ANKS1B: variants seen among roughly 807,000 people sequenced by gnomAD.
The protein encoded by ANKS1B is ankyrin repeat and sterile alpha motif domain-containing protein 1B.
In ANKS1B, 36 loss-of-function variants were observed where a neutral mutation model predicts 148.3. The ratio of observed to expected loss-of-function variants is 0.24; its 90% CI spans 0.19 to 0.32. The LOEUF is 0.32. Ranked by LOEUF, ANKS1B falls within the 10% of genes least tolerant of loss-of-function variation. ANKS1B has a pLI of 1.00. For missense variants in ANKS1B, 1,157 were observed against 1,542.6 expected (o/e 0.75, Z 4.19); for synonymous variants, 542 against 560.8 (o/e 0.97, Z 0.47).
chr12:99,562,441 A>G (rs2097346319), intron 9 of ANKS1B, among the ~76,000 whole-genome samples: 1 of 152,180 alleles, frequency 6.6e-6, no homozygotes, highest in Non-Finnish European at 1.5e-5. Flanking sequence ...TTTTTCCAAT[A>G]CAAGACTGTT....
intron 9 of ANKS1B, among the ~76,000 whole-genome samples, chr12:98,736,249 C>T (rs1180434243): frequency 2.6e-5 from 4 of 152,098 alleles, no homozygotes; most frequent in African/African-American, 4.8e-5. Context: ...TGTAATCATC[C>T]GGACAAAATG....
intron 17 of ANKS1B, among the ~76,000 whole-genome samples, chr12:98,957,321 ATT>A (rs1568009828): frequency 1.0e-4 from 5 of 47,814 alleles, no homozygotes; most frequent in African/African-American, 6.1e-4. Context: ...ATATTTATTT[ATT>A]TATTTATTTA....
At chr12:99,206,572 T>C (rs547552158) in intron 14 of ANKS1B, among the ~76,000 whole-genome samples, 3 of 152,326 alleles carry the variant, frequency 2.0e-5, no homozygotes, top group African/African-American at 7.2e-5. Flanking sequence ...AAATCTACTA[T>C]CCTTTTCATT....
At chr12:99,370,409 A>C (rs975696506) in intron 12 of ANKS1B, among the ~76,000 whole-genome samples, 2 of 152,164 alleles carry the variant, frequency 1.3e-5, no homozygotes, top group African/African-American at 4.8e-5. Flanking sequence ...ACCTACAAAC[A>C]GTAAGGATTT....
intron 22 of ANKS1B, chr12:98,794,730 A>C: frequency 1.0e-6 from 1 of 972,892 alleles, no homozygotes; most frequent in Non-Finnish European, 1.7e-6. Context: ...ATCAAATACC[A>C]GTGAGAGCTA....
chr12:99,344,646 A>G (rs1184864359), intron 12 of ANKS1B, among the ~76,000 whole-genome samples: 1 of 152,106 alleles, frequency 6.6e-6, no homozygotes, highest in Non-Finnish European at 1.5e-5. Flanking sequence ...CAACAAATAC[A>G]TGAACCAAAT....
At chr12:98,860,839 A>C (rs534960211) in intron 17 of ANKS1B, among the ~76,000 whole-genome samples, 1 of 152,324 alleles carries the variant, frequency 6.6e-6, no homozygotes, top group African/African-American at 2.4e-5. Context: ...CTATGTAACA[A>C]ATCTGCAAGT....
At chr12:99,293,351 G>C (rs920092008) in intron 12 of ANKS1B, among the ~76,000 whole-genome samples, 5 of 151,916 alleles carry the variant, frequency 3.3e-5, no homozygotes, top group East Asian at 1.9e-4. Context: ...GGGCCTGTCG[G>C]GGGGTGGGGG....
rs2062209172 is a variant in ANKS1B at position 99,762,312 on chromosome 12, CAA to C, written c.1128+10608_1128+10609del. ...CAACTATACTATACAGCTACAATAACAAATACTTCATGGTACTGGTACAAAAA... is the reference window on the plus strand; with the variant it reads ...CAACTATACTATACAGCTACAATAACATACTTCATGGTACTGGTACAAAAA... On this transcript the variant is annotated intron_variant, in intron 8 of 26. Coordinates refer to ENST00000683438, the MANE Select transcript of ANKS1B (RefSeq NM_001352186.2). 2.0e-5 allele frequency among the ~76,000 whole-genome samples: 3 copies of C among 151,244 alleles called. No individual in the cohort carries two copies. The East Asian group carries it at 6.0e-4, about 30-fold the overall frequency.
chr12:99,101,657 G>T lies in ANKS1B; in HGVS notation c.2527-16634C>A, dbSNP rs12311484. Among the ~76,000 whole-genome samples, 1,265 of 152,286 alleles carry T rather than the reference G, an allele frequency of 8.3e-3. 23 individuals are homozygous for T. Among genetic ancestry groups the T allele is most frequent in the African/African-American group, 0.029 (1,193 of 41,552 alleles). On this transcript the variant is annotated intron_variant, in intron 15 of 26. Coordinates refer to ENST00000683438, the MANE Select transcript of ANKS1B (RefSeq NM_001352186.2). ...GCTCACTGCAACCTCCACCTCCCGG[G>T]TTCAAGCAATTATTGTGCCTCAGCC... is the stretch of plus-strand genomic sequence containing the variant.
At chr12:99,607,213 C>A (rs889061634) in intron 9 of ANKS1B, among the ~76,000 whole-genome samples, 5 of 152,064 alleles carry the variant, frequency 3.3e-5, no homozygotes. Context: ...TTCCCAGACC[C>A]CAGAATCCAG....
intron 16 of ANKS1B, among the ~76,000 whole-genome samples, chr12:99,063,747 G>T (rs1370099037): frequency 6.6e-6 from 1 of 152,202 alleles, no homozygotes; most frequent in African/African-American, 2.4e-5. Flanking sequence ...CCTTTAAGGA[G>T]TCTGAGAGCC....
chr12:99,788,088 G>A (rs2065194571), intron 4 of ANKS1B, among the ~76,000 whole-genome samples: 1 of 152,204 alleles, frequency 6.6e-6, no homozygotes, highest in African/African-American at 2.4e-5. Flanking sequence ...CTAGTGCTAG[G>A]CTAGGCTTAG....
At chr12:99,299,180 C>T (rs957522352) in intron 12 of ANKS1B, among the ~76,000 whole-genome samples, 2 of 152,068 alleles carry the variant, frequency 1.3e-5, no homozygotes, top group South Asian at 4.1e-4. Flanking sequence ...CCCACTTCAG[C>T]CCTTCAAGTA....
chr12:99,140,171 A>G (rs1189078771), intron 15 of ANKS1B, among the ~76,000 whole-genome samples: 1 of 152,142 alleles, frequency 6.6e-6, no homozygotes, highest in Non-Finnish European at 1.5e-5. Flanking sequence ...GCTAAGTGCA[A>G]TCTAGTCCAT....
At chr12:99,483,101 A>T (rs896804083) in intron 10 of ANKS1B, among the ~76,000 whole-genome samples, 1 of 151,280 alleles carries the variant, frequency 6.6e-6, no homozygotes. Flanking sequence ...AATGCTTTCA[A>T]CTTTTTCCCA....
At chr12:98,928,126 A>G (rs1325359683) in intron 17 of ANKS1B, among the ~76,000 whole-genome samples, 1 of 151,716 alleles carries the variant, frequency 6.6e-6, no homozygotes, top group Non-Finnish European at 1.5e-5. Context: ...GTGCAGAAAT[A>G]AAACAAAAGA....
chr12:99,227,562 G>C (rs1157411664), intron 14 of ANKS1B, among the ~76,000 whole-genome samples: 1 of 152,168 alleles, frequency 6.6e-6, no homozygotes, highest in Non-Finnish European at 1.5e-5. Context: ...ATTAAATCTT[G>C]ATCAAGCCAA....
intron 9 of ANKS1B, among the ~76,000 whole-genome samples, chr12:99,582,020 A>G (rs546916670): frequency 1.4e-3 from 215 of 152,154 alleles, no homozygotes; most frequent in Non-Finnish European, 2.6e-3. Context: ...CAATAATAAG[A>G]CTAACTGGTT....
Sources: allele counts gnomAD v4.1 joint callset (sites outside exome capture counted in the v4.1 genomes callset), GRCh38; gene constraint gnomAD v4.1.1; transcripts MANE v1.5; gene names NCBI Gene and HGNC (gene_info 2026-07-23, HGNC 2026-07-21).